The following NOX1 variants were observed in gnomAD, a reference collection of about 807,000 sequenced individuals.
NOX1 encodes the protein NADH/NADPH mitogenic oxidase subunit P65-MOX.
In NOX1, 34 loss-of-function variants were observed where a neutral mutation model predicts 42.5. That is an observed-to-expected ratio of 0.80 (90% CI 0.61 to 1.07). The LOEUF (loss-of-function observed/expected upper bound fraction) is 1.07, where lower values mean the gene tolerates loss of function less well. Ranked by LOEUF, NOX1 falls within the 50% of genes least tolerant of loss-of-function variation. The probability of loss-of-function intolerance (pLI) is 0.00; values close to 1 mark genes in which losing one functional copy is unlikely to be tolerated. For synonymous variants in NOX1, 143 were observed against 152.5 expected, an observed-to-expected ratio of 0.94 and a Z score of 0.46; for missense variants, 408 against 427.0, an observed-to-expected ratio of 0.96 and a Z score of 0.39.
Position 100,850,386 on chromosome X carries a change from C to T in NOX1, c.898G>A (p.Val300Ile). Residue 300 changes from valine to isoleucine, a missense_variant and splice_region_variant, in exon 9 of 13, where the codon GTT becomes ATT. By Grantham distance (29) the Val-to-Ile change is conservative. Coordinates refer to ENST00000372966, the MANE Select transcript of NOX1 (RefSeq NM_007052.5). ...AAAACTTTGGATGGGTGCATAACAACCTGTGAATGAAGCACATAGACCAAA... is the reference window on the plus strand; with the variant it reads ...AAAACTTTGGATGGGTGCATAACAATCTGTGAATGAAGCACATAGACCAAA... Reference protein sequence around the residue: ...RSQQKVVITKVVMHPSKVLEL... With the variant: ...RSQQKVVITKIVMHPSKVLEL... 8.7e-7 allele frequency: 1 copy of T among 1,150,000 alleles called. No homozygotes were observed. The allele number at this position is 1,150,000 out of a possible 1,213,427, so 94.8% of individuals were successfully genotyped here.
intron 7 of NOX1, among the ~76,000 whole-genome samples, chrX:100,856,881 CT>C (rs199969001): frequency 7.4e-5 from 8 of 108,313 alleles, no homozygotes; most frequent in Middle Eastern, 4.7e-3. Flanking sequence ...CCCAAAATTA[CT>C]TTTTTTTTTA....
At chrX:100,853,322 C>CTTTCTT (rs1477561382) in intron 7 of NOX1, among the ~76,000 whole-genome samples, 21 of 22,792 alleles carry the variant, frequency 9.2e-4, no homozygotes, top group Non-Finnish European at 1.7e-3. Flanking sequence ...TTCTTTCTTT[C>CTTTCTT]TCTCTCTTTC....
At chrX:100,870,463 G>A (rs1349841344) in intron 2 of NOX1, among the ~76,000 whole-genome samples, 1 of 111,456 alleles carries the variant, frequency 9.0e-6, no homozygotes, top group East Asian at 2.8e-4. Flanking sequence ...AAAAATACAG[G>A]ATGCTAAGCT....
chrX:100,853,251 TTCC>T (rs199760418), intron 7 of NOX1, among the ~76,000 whole-genome samples: 38 of 39,521 alleles, frequency 9.6e-4, no homozygotes, highest in African/African-American at 4.4e-3. Context: ...CTTTCCTTCC[TTCC>T]TTCCTTCCTT....
chrX:100,869,664 G>A (rs1440772070), intron 2 of NOX1, among the ~76,000 whole-genome samples: 1 of 100,529 alleles, frequency 9.9e-6, no homozygotes, highest in Non-Finnish European at 2.0e-5. Context: ...TCCTTCTCCT[G>A]CCTAATTGCC....
intron 11 of NOX1, among the ~76,000 whole-genome samples, chrX:100,848,966 C>T (rs1382379476): frequency 2.7e-5 from 3 of 111,619 alleles, no homozygotes; most frequent in Non-Finnish European, 5.7e-5. Context: ...ATCCCAGTTA[C>T]TCGGGAGGCT....
At chrX:100,870,958 C>T (rs761853064) in intron 1 of NOX1, 144 bp from the exon 2 acceptor site, 2 of 424,737 alleles carry the variant, frequency 4.7e-6, no homozygotes, top group Non-Finnish European at 8.0e-6. Context: ...TGCAATCCTG[C>T]TAGTATCTAA....
rs1201238590 is a variant in NOX1, at chrX:100,874,251, T to G, written c.-112A>C. On this transcript the variant is annotated 5_prime_UTR_variant, in exon 1 of 13. Coordinates refer to ENST00000372966, the MANE Select transcript of NOX1 (RefSeq NM_007052.5). ...TTGTCCAGCGCAGGGTCTGTGAGCC[T>G]TTAAGATGTGAAAAACACACACCTA... 5 of 524,632 alleles carry G rather than the reference T, an allele frequency of 9.5e-6. No individual in the cohort carries two copies. The highest frequency in any genetic ancestry group is 1.7e-5 in the Non-Finnish European group (5 of 302,897). 43.2% of individuals were successfully genotyped at this position (524,632 alleles called of 1,213,427 possible).
Position 100,843,666 on chromosome X carries a change from T to C in NOX1, c.*286A>G, listed in dbSNP as rs2085051886. 2 of 411,272 alleles carry C rather than the reference T, an allele frequency of 4.9e-6. No individual in the cohort carries two copies. Among genetic ancestry groups the C allele is most frequent in the African/African-American group, 5.2e-5 (2 of 38,501 alleles). The allele number at this position is 411,272 out of a possible 1,213,427, so 33.9% of individuals were successfully genotyped here. ...TAACTCTGAACCACCAAACCTCTGCTATCAAGCCTTGCTACAGTCATGGCT... is the reference window on the plus strand; with the variant it reads ...TAACTCTGAACCACCAAACCTCTGCCATCAAGCCTTGCTACAGTCATGGCT... On this transcript the variant is annotated 3_prime_UTR_variant, in exon 13 of 13. Transcript: ENST00000372966.
chrX:100,861,119 C>T (rs2085200435), intron 7 of NOX1, among the ~76,000 whole-genome samples: 1 of 111,136 alleles, frequency 9.0e-6, no homozygotes, highest in African/African-American at 3.3e-5. Flanking sequence ...GAAACATGTT[C>T]CTCCACTTCA....
intron 1 of NOX1, among the ~76,000 whole-genome samples, chrX:100,872,224 C>G (rs746086740): frequency 8.9e-6 from 1 of 111,922 alleles, no homozygotes; most frequent in South Asian, 3.7e-4. Context: ...AAAAGAAAGT[C>G]AACAGTCACA....
intron 2 of NOX1, among the ~76,000 whole-genome samples, chrX:100,867,946 A>G (rs2085250016): frequency 9.0e-6 from 1 of 111,483 alleles, no homozygotes; most frequent in Non-Finnish European, 1.9e-5. Context: ...TACCCCCTAC[A>G]TATGTAAACA....
At position 100,843,508 on chromosome X, in the gene NOX1, T is replaced by A. The variant is rs1055196823; in HGVS notation, c.*444A>T. 9.6e-7 allele frequency: 1 copy of A among 1,041,362 alleles called. No homozygotes were observed. 85.8% of individuals were successfully genotyped at this position (1,041,362 alleles called of 1,213,427 possible). A position where few individuals can be genotyped will look rare whatever the true frequency, so the allele number is the denominator to read the frequency against. On this transcript the variant is annotated 3_prime_UTR_variant, in exon 13 of 13. Transcript: ENST00000372966. ...TATTATTATGTTTTATCATTAATTATTCAATAAATTTTTATTTAAAAAGTC... is the reference window on the plus strand; with the variant it reads ...TATTATTATGTTTTATCATTAATTAATCAATAAATTTTTATTTAAAAAGTC...
intron 12 of NOX1, among the ~76,000 whole-genome samples, chrX:100,844,593 C>T (rs1040134610): frequency 9.0e-6 from 1 of 110,908 alleles, no homozygotes; most frequent in East Asian, 2.8e-4. Context: ...CCAGCATGCC[C>T]AGCTAAATTT....
In NOX1 at chrX:100,843,844, G is replaced by A. The variant is rs34181451; in HGVS notation, c.*108C>T. ...AAAGAATACCAGGGAGTCAAGGCTT[G>A]AGAGGCACATTCTTATCCTAAAGTG... is the stretch of plus-strand genomic sequence containing the variant. On this transcript the variant is annotated 3_prime_UTR_variant, in exon 13 of 13. Transcript: ENST00000372966. The A allele has an allele frequency of 4.1e-3, 2,538 of 622,316 alleles. 49 individuals are homozygous for A. The African/African-American group carries it at 0.053, about 13-fold the overall frequency. 51.3% of individuals were successfully genotyped at this position (622,316 alleles called of 1,213,427 possible). A position where few individuals can be genotyped will look rare whatever the true frequency, so the allele number is the denominator to read the frequency against.
intron 7 of NOX1, among the ~76,000 whole-genome samples, chrX:100,858,048 C>T (rs188860070): frequency 7.6e-4 from 85 of 111,368 alleles, no homozygotes; most frequent in African/African-American, 2.7e-3. Context: ...TTGTCTTCTA[C>T]GGTGTTTATA....
chrX:100,849,631 G>T, intron 10 of NOX1, 141 bp downstream of exon 10: 1 of 675,873 alleles, frequency 1.5e-6, no homozygotes, highest in Non-Finnish European at 2.2e-6. Context: ...AGAAGTGGAT[G>T]TCCTGGCCAA....
In NOX1 at chrX:100,863,476, G is replaced by T; in HGVS notation, c.252+9C>A. On this transcript the variant is annotated intron_variant, in intron 3 of 12. Coordinates refer to ENST00000372966, the MANE Select transcript of NOX1 (RefSeq NM_007052.5). ...TGTGAAAGTTGACTTAGGAGTGGTTGGGACTCACTGAGCAGGTGCCCCTCA... is the reference window on the plus strand; with the variant it reads ...TGTGAAAGTTGACTTAGGAGTGGTTTGGACTCACTGAGCAGGTGCCCCTCA... 1 of 1,205,536 alleles carries T rather than the reference G, an allele frequency of 8.3e-7. No homozygotes were observed. Among genetic ancestry groups the T allele is most frequent in the Non-Finnish European group, 1.1e-6 (1 of 890,609 alleles).
intron 1 of NOX1, 84 bp downstream of exon 1, chrX:100,874,011 C>A: frequency 1.4e-6 from 1 of 728,267 alleles, no homozygotes; most frequent in East Asian, 3.3e-5. Flanking sequence ...AATCATCTTT[C>A]TCTTTCAAAT....
Sources: allele counts gnomAD v4.1 joint callset (sites outside exome capture counted in the v4.1 genomes callset), GRCh38; gene constraint gnomAD v4.1.1; transcripts MANE v1.5; gene names NCBI Gene and HGNC (gene_info 2026-07-23, HGNC 2026-07-21).